The following MYRFL variants were observed in gnomAD, a reference collection of about 807,000 sequenced individuals.
MYRFL encodes myelin regulatory factor like.
MYRFL carries 88 observed loss-of-function variants against 109.4 expected under a neutral mutation model. The observed-to-expected ratio is 0.80, with a 90% CI of 0.68 to 0.96. The LOEUF is 0.96. MYRFL is among the 40% of genes least tolerant of loss of function. The pLI is 0.00. For missense variants in MYRFL, 957 were observed against 954.9 expected (o/e 1.00, Z -0.03); for synonymous variants, 324 against 320.9 (o/e 1.01, Z -0.10).
rs79548440 is a variant in MYRFL at position 69,867,255 on chromosome 12, G to A, written c.138-11773G>A. The stretch of plus-strand genomic sequence containing the variant: ...ACTAGGAAATGTCCAGGTATGCAAT[G>A]CTGCTTTGAGAGGGGGAGATTGGAG... On this transcript the variant is annotated intron_variant, in intron 2 of 24. Coordinates refer to ENST00000552032, the MANE Select transcript of MYRFL (RefSeq NM_182530.3). 2.0e-3 allele frequency among the ~76,000 whole-genome samples: 299 copies of A among 152,330 alleles called. 4 individuals are homozygous for A. Among genetic ancestry groups the A allele is most frequent in the African/African-American group, 7.0e-3 (292 of 41,572 alleles).
chr12:69,892,165 T>A (rs1395006638), intron 7 of MYRFL, among the ~76,000 whole-genome samples: 2 of 152,112 alleles, frequency 1.3e-5, no homozygotes, highest in African/African-American at 4.8e-5. Flanking sequence ...ATCAAAGAGA[T>A]CTGTGACCTA....
intron 6 of MYRFL, among the ~76,000 whole-genome samples, chr12:69,888,838 G>T (rs560484598): frequency 3.3e-5 from 5 of 152,192 alleles, no homozygotes; most frequent in African/African-American, 4.8e-5. Context: ...CAAATTAGCA[G>T]ATTAATTCTA....
At chr12:69,942,858 G>T (rs1955705652) in intron 19 of MYRFL, among the ~76,000 whole-genome samples, 1 of 152,044 alleles carries the variant, frequency 6.6e-6, no homozygotes, top group South Asian at 2.1e-4. Flanking sequence ...CAAAATCAAT[G>T]TGCAAAAATC....
At chr12:69,905,413 C>T (rs544075918) in intron 11 of MYRFL, among the ~76,000 whole-genome samples, 2 of 152,342 alleles carry the variant, frequency 1.3e-5, no homozygotes, top group South Asian at 4.1e-4. Context: ...TGAAATGTCA[C>T]TTCAATCCAG....
chr12:69,906,666 A>C (rs1419683394), intron 11 of MYRFL, among the ~76,000 whole-genome samples: 1 of 152,228 alleles, frequency 6.6e-6, no homozygotes, highest in Non-Finnish European at 1.5e-5. Flanking sequence ...ACATGAAAAA[A>C]GCTCAAGAAA....
At chr12:69,928,611 A>G (rs138666909) in intron 15 of MYRFL, among the ~76,000 whole-genome samples, 1 of 152,376 alleles carries the variant, frequency 6.6e-6, no homozygotes, top group East Asian at 1.9e-4. Flanking sequence ...TATGCAGCTG[A>G]CAAGCTCCTT....
intron 2 of MYRFL, among the ~76,000 whole-genome samples, chr12:69,868,648 T>A (rs1054298601): frequency 4.6e-5 from 7 of 152,160 alleles, no homozygotes; most frequent in Non-Finnish European, 1.0e-4. Flanking sequence ...CTTTGCCTTG[T>A]TTTTTGCTGC....
intron 19 of MYRFL, among the ~76,000 whole-genome samples, chr12:69,940,741 A>G (rs1261022078): frequency 2.0e-5 from 3 of 146,544 alleles, no homozygotes; most frequent in Non-Finnish European, 4.5e-5. Context: ...AGACTGGCAA[A>G]TTGGATAAAG....
intron 13 of MYRFL, among the ~76,000 whole-genome samples, chr12:69,916,998 C>T (rs530795436): frequency 1.3e-5 from 2 of 152,110 alleles, no homozygotes; most frequent in Non-Finnish European, 2.9e-5. Context: ...GTAGCTTCCA[C>T]GGCTCCCCTT....
chr12:69,839,959 T>A (rs939137685), intron 1 of MYRFL, among the ~76,000 whole-genome samples: 9 of 152,224 alleles, frequency 5.9e-5, no homozygotes, highest in Admixed American at 5.9e-4. Context: ...ACTCAATACT[T>A]TTATTATTAT....
At chr12:69,935,690 C>T (rs977252927) in intron 16 of MYRFL, among the ~76,000 whole-genome samples, 2 of 152,188 alleles carry the variant, frequency 1.3e-5, no homozygotes, top group Non-Finnish European at 2.9e-5. Context: ...AGACCTGTGC[C>T]GCCTTCCATC....
At chr12:69,929,638 A>C (rs1428419636) in intron 15 of MYRFL, among the ~76,000 whole-genome samples, 1 of 152,220 alleles carries the variant, frequency 6.6e-6, no homozygotes, top group African/African-American at 2.4e-5. Flanking sequence ...TAATAACAAT[A>C]TCTAAGTTGT....
chr12:69,894,152 A>G (rs1443853516), intron 8 of MYRFL, among the ~76,000 whole-genome samples: 9 of 151,518 alleles, frequency 5.9e-5, no homozygotes, highest in Non-Finnish European at 1.3e-4. Flanking sequence ...ATGAGCCACC[A>G]TGCCTGGCTA....
At chr12:69,860,112 C>T (rs998649634) in intron 2 of MYRFL, among the ~76,000 whole-genome samples, 15 of 152,002 alleles carry the variant, frequency 9.9e-5, no homozygotes, top group South Asian at 2.1e-4. Context: ...ACACCTGGGC[C>T]CCCCAACAGG....
At chr12:69,874,589 C>T (rs1330288931) in intron 2 of MYRFL, among the ~76,000 whole-genome samples, 4 of 152,118 alleles carry the variant, frequency 2.6e-5, no homozygotes, top group Non-Finnish European at 5.9e-5. Context: ...GAACCATTTC[C>T]CTTTAGCCTG....
intron 1 of MYRFL, among the ~76,000 whole-genome samples, chr12:69,853,770 C>T (rs1395591335): frequency 6.7e-6 from 1 of 149,746 alleles, no homozygotes; most frequent in Non-Finnish European, 1.5e-5. Flanking sequence ...CAGAGGGGCT[C>T]CTCACATCCC....
intron 11 of MYRFL, among the ~76,000 whole-genome samples, chr12:69,907,589 G>A (rs1954408119): frequency 6.6e-6 from 1 of 152,206 alleles, no homozygotes; most frequent in Non-Finnish European, 1.5e-5. Flanking sequence ...GGCCAGTCCA[G>A]GCTGGCTCCT....
intron 1 of MYRFL, among the ~76,000 whole-genome samples, chr12:69,852,579 A>ATTTTTTTTTTTTTTTTTTTTTAT (rs61145700): frequency 8.9e-6 from 1 of 112,212 alleles, no homozygotes. Flanking sequence ...TTAATTTTTA[A>ATTTTTTTTTTTTTTTTTTTTTAT]TTTTTTTTTT....
At chr12:69,957,187 C>CTGA (rs1276883204) in intron 22 of MYRFL, among the ~76,000 whole-genome samples, 2 of 152,178 alleles carry the variant, frequency 1.3e-5, no homozygotes, top group African/African-American at 4.8e-5. Context: ...ACTTTCAACT[C>CTGA]TGATAGCTTT....
Sources: gnomAD v4.1 joint callset for allele counts (sites outside exome capture counted in the v4.1 genomes callset) on GRCh38, gnomAD v4.1.1 for gene constraint, MANE v1.5 for transcripts, NCBI Gene and HGNC (gene_info 2026-07-23, HGNC 2026-07-21) for gene names.